Variants in EVA1A observed in about 807,000 individuals in gnomAD.
EVA1A encodes protein eva-1 homolog A.
A neutral mutation model predicts 9.8 loss-of-function variants in EVA1A; 7 were observed. The ratio of observed to expected loss-of-function variants is 0.71; its 90% CI spans 0.41 to 1.34. The LOEUF (loss-of-function observed/expected upper bound fraction) is 1.34, where lower values mean the gene tolerates loss of function less well. Ranked by LOEUF, EVA1A falls within the 40% of genes most tolerant of loss-of-function variation. The probability of loss-of-function intolerance (pLI) is 0.01; values close to 1 mark genes in which losing one functional copy is unlikely to be tolerated. For missense variants in EVA1A, 206 were observed against 205.9 expected (o/e 1.00, Z 0.00); for synonymous variants, 90 against 85.6 (o/e 1.05, Z -0.28).
At chr2:75,506,619 T>C (rs1354007473) in intron 3 of EVA1A, among the ~76,000 whole-genome samples, 1 of 152,218 alleles carries the variant, frequency 6.6e-6, no homozygotes, top group Non-Finnish European at 1.5e-5. Flanking sequence ...CTCAATTCTA[T>C]GCAGGGAGGA....
intron 3 of EVA1A, among the ~76,000 whole-genome samples, chr2:75,496,138 G>A (rs1010814938): frequency 6.6e-6 from 1 of 152,058 alleles, no homozygotes; most frequent in African/African-American, 2.4e-5. Context: ...CTTGGTAAAC[G>A]TTCCTTTCTG....
At chr2:75,552,218 C>T (rs1321915617) in intron 1 of EVA1A, among the ~76,000 whole-genome samples, 2 of 151,986 alleles carry the variant, frequency 1.3e-5, no homozygotes, top group South Asian at 4.2e-4. Flanking sequence ...TCTTGTAAAT[C>T]TTGAAGACTT....
intron 1 of EVA1A, chr2:75,542,681 G>T (rs1308898227): frequency 6.6e-6 from 1 of 152,196 alleles, no homozygotes; most frequent in Non-Finnish European, 1.5e-5. Flanking sequence ...CCACTCTTTC[G>T]CACTGAGTAA....
At chr2:75,555,307 CT>C in intron 1 of EVA1A, among the ~76,000 whole-genome samples, 1 of 103,212 alleles carries the variant, frequency 9.7e-6, no homozygotes, top group Admixed American at 8.9e-5. Flanking sequence ...CTCAATCTCT[CT>C]CTCTCTCTCT....
intron 2 of EVA1A, chr2:75,518,548 G>C (rs1675100483): frequency 1.0e-6 from 1 of 963,104 alleles, no homozygotes; most frequent in African/African-American, 1.8e-5. Context: ...GGCTTTCAAG[G>C]AAGTAGAAAC....
chr2:75,494,902 A>G (rs1175917881), intron 3 of EVA1A, among the ~76,000 whole-genome samples: 1 of 152,206 alleles, frequency 6.6e-6, no homozygotes, highest in Non-Finnish European at 1.5e-5. Flanking sequence ...GTGAGAGAAG[A>G]TAACAGTCAT....
At chr2:75,558,897 C>T (rs942703565) in intron 1 of EVA1A, among the ~76,000 whole-genome samples, 9 of 152,206 alleles carry the variant, frequency 5.9e-5, no homozygotes, top group Non-Finnish European at 1.3e-4. Context: ...TTCCCAATTC[C>T]CATCCCTTCT....
chr2:75,517,631 A>C (rs2103843650), intron 3 of EVA1A, among the ~76,000 whole-genome samples: 1 of 152,190 alleles, frequency 6.6e-6, no homozygotes, highest in African/African-American at 2.4e-5. Flanking sequence ...AAAGGCCCCA[A>C]ACACAGAACA....
intron 3 of EVA1A, among the ~76,000 whole-genome samples, chr2:75,502,551 A>C (rs1674467608): frequency 6.6e-6 from 1 of 152,232 alleles, no homozygotes; most frequent in Non-Finnish European, 1.5e-5. Context: ...TGCATGCACA[A>C]AGAGACATAG....
chr2:75,522,508 CACAAAA>C (rs554244367), intron 1 of EVA1A, 21 bp from the exon 2 acceptor site: 5 of 152,298 alleles, frequency 3.3e-5, no homozygotes, highest in African/African-American at 9.6e-5. Context: ...AAAGAAGCAG[CACAAAA>C]ACCATCATAT....
In EVA1A at chr2:75,522,118, G is replaced by A. The variant is rs76684360; in HGVS notation, c.-69+247C>T. 6.0e-3 allele frequency among the ~76,000 whole-genome samples: 906 copies of A among 152,188 alleles called. 7 individuals are homozygous for A. Among genetic ancestry groups the A allele is most frequent in the Middle Eastern group, 0.01 (3 of 294 alleles). On this transcript the variant is annotated intron_variant, in intron 2 of 3. Transcript: ENST00000393913. ...TTTATAGATTAACAGGAAAAAGATC[G>A]TATGAATAGATGAAAAAATGTATTT...
At chr2:75,496,692 C>G (rs375720924) in intron 3 of EVA1A, among the ~76,000 whole-genome samples, 1 of 151,996 alleles carries the variant, frequency 6.6e-6, no homozygotes, top group Non-Finnish European at 1.5e-5. Context: ...GATTCTAAAA[C>G]TCATATGGAA....
At chr2:75,558,037 A>T (rs954650036) in intron 1 of EVA1A, among the ~76,000 whole-genome samples, 4 of 152,210 alleles carry the variant, frequency 2.6e-5, no homozygotes, top group African/African-American at 9.7e-5. Flanking sequence ...TCTTGGCCCT[A>T]CCGCTCATTA....
chr2:75,528,170 T>C (rs941013658), intron 1 of EVA1A, among the ~76,000 whole-genome samples: 13 of 152,134 alleles, frequency 8.5e-5, no homozygotes, highest in African/African-American at 2.4e-4. Context: ...GCCAGTGGAA[T>C]TGGGGAAGGG....
At chr2:75,534,475 G>A (rs1173064566) in intron 1 of EVA1A, among the ~76,000 whole-genome samples, 1 of 145,056 alleles carries the variant, frequency 6.9e-6, no homozygotes, top group African/African-American at 2.6e-5. Context: ...AAATCAAAAT[G>A]GAATTCTAAA....
Position 75,518,929 on chromosome 2 carries a change from C to T in EVA1A, c.-68-721G>A, listed in dbSNP as rs1355928640. The T allele has an allele frequency of 9.7e-6, 9 of 927,900 alleles. No homozygotes were observed. The South Asian group carries it at 3.5e-4, about 36-fold the overall frequency. The allele number at this position is 927,900 out of a possible 1,614,324, so 57.5% of individuals were successfully genotyped here. On this transcript the variant is annotated intron_variant, in intron 2 of 3. Coordinates refer to ENST00000393913, the MANE Select transcript of EVA1A (RefSeq NM_001135032.2). ...AAATATCTACAGGAATTTGAGAGCT[C>T]GAGCTGCTCCCTGCCTCTAGCTCCA...
chr2:75,515,451 C>T (rs528921852), intron 3 of EVA1A, among the ~76,000 whole-genome samples: 10 of 152,276 alleles, frequency 6.6e-5, no homozygotes, highest in Non-Finnish European at 4.4e-5. Context: ...ATAACTTGTA[C>T]AGAGTGAGAA....
chr2:75,532,816 T>C (rs7565861), intron 1 of EVA1A, among the ~76,000 whole-genome samples: 32,093 of 152,098 alleles, frequency 0.21, 4,645 homozygotes, highest in African/African-American at 0.42. Context: ...GAAATCCATG[T>C]GAAGACACAC....
chr2:75,534,143 A>G (rs972910240), intron 1 of EVA1A, among the ~76,000 whole-genome samples: 3 of 152,108 alleles, frequency 2.0e-5, no homozygotes, highest in African/African-American at 7.2e-5. Flanking sequence ...GGATGTTGAG[A>G]CAGTAAGATT....
Sources: allele counts gnomAD v4.1 joint callset (sites outside exome capture counted in the v4.1 genomes callset), GRCh38; gene constraint gnomAD v4.1.1; transcripts MANE v1.5; gene names NCBI Gene and HGNC (gene_info 2026-07-23, HGNC 2026-07-21).